The following MRAP2 variants were observed in gnomAD, a reference collection of about 807,000 sequenced individuals.
MRAP2 encodes the protein melanocortin 2 receptor accessory protein 2.
In MRAP2, 20 loss-of-function variants were observed where a neutral mutation model predicts 17.4. That is an observed-to-expected ratio of 1.15 (90% CI 0.81 to 1.67). The LOEUF is 1.67. Among genes scored for constraint, MRAP2 ranks in the 40% most tolerant of loss-of-function variants. MRAP2 has a pLI of 0.00. For missense variants in MRAP2, 238 were observed against 240.0 expected (o/e 0.99, Z 0.05); for synonymous variants, 96 against 88.4 (o/e 1.09, Z -0.48).
At chr6:84,070,748 G>C (rs1446558970) in intron 3 of MRAP2, among the ~76,000 whole-genome samples, 3 of 152,204 alleles carry the variant, frequency 2.0e-5, no homozygotes, top group African/African-American at 7.2e-5. Flanking sequence ...GGGAGCTCCA[G>C]TGTTAGGTGC....
chr6:84,035,684 GC>G lies in MRAP2; in HGVS notation c.-8+1806del, dbSNP rs1029828476. ...TGAGTGTTCATACCCATCGCTAGCTGCCCCCTTTCAGCCTTCTGAGCTAGCC... is the reference window on the plus strand; with the variant it reads ...TGAGTGTTCATACCCATCGCTAGCTGCCCCTTTCAGCCTTCTGAGCTAGCC... On this transcript the variant is annotated intron_variant, in intron 1 of 3. Coordinates refer to ENST00000257776, the MANE Select transcript of MRAP2 (RefSeq NM_138409.4). Among the ~76,000 whole-genome samples, 9 of 152,196 alleles carry G rather than the reference GC, an allele frequency of 5.9e-5. No homozygotes were observed. The East Asian group carries it at 1.7e-3, about 29-fold the overall frequency.
At chr6:84,118,267 C>T in the MRAP2 span, among the ~76,000 whole-genome samples, 1 of 151,726 alleles carries the variant, frequency 6.6e-6, no homozygotes, top group Non-Finnish European at 1.5e-5. Context: ...TCTGGCCGTG[C>T]CCACAAAACA....
chr6:84,124,831 T>C, the MRAP2 span: 8 of 501,906 alleles, frequency 1.6e-5, no homozygotes, highest in Non-Finnish European at 2.8e-5. Context: ...TTCTCTGCTA[T>C]AAAGGAAACT....
chr6:84,056,261 G>C (rs944910937), intron 2 of MRAP2, among the ~76,000 whole-genome samples: 1 of 152,216 alleles, frequency 6.6e-6, no homozygotes, highest in African/African-American at 2.4e-5. Context: ...GGAAATATAA[G>C]AGGGCTTAGA....
chr6:84,105,192 C>T, the MRAP2 span, among the ~76,000 whole-genome samples: 9 of 152,162 alleles, frequency 5.9e-5, no homozygotes, highest in African/African-American at 9.7e-5. Context: ...AAAGTAGCTT[C>T]CACATTTTTG....
At chr6:84,111,169 C>A in the MRAP2 span, among the ~76,000 whole-genome samples, 1 of 152,098 alleles carries the variant, frequency 6.6e-6, no homozygotes, top group Non-Finnish European at 1.5e-5. Flanking sequence ...ATGGGAATAG[C>A]ATTCAATCTA....
the MRAP2 span, among the ~76,000 whole-genome samples, chr6:84,109,452 C>T: frequency 6.6e-6 from 1 of 151,886 alleles, no homozygotes; most frequent in Admixed American, 6.6e-5. Flanking sequence ...AAAGTTCATT[C>T]AAGGTTTAGC....
the MRAP2 span, among the ~76,000 whole-genome samples, chr6:84,120,258 G>A: frequency 3.9e-5 from 6 of 152,302 alleles, no homozygotes; most frequent in South Asian, 1.0e-3. Flanking sequence ...CATTGTGTGA[G>A]GATGGATCTT....
At chr6:84,052,143 A>G (rs1333197032) in intron 1 of MRAP2, among the ~76,000 whole-genome samples, 1 of 152,102 alleles carries the variant, frequency 6.6e-6, no homozygotes, top group African/African-American at 2.4e-5. Flanking sequence ...TCATGACTCT[A>G]ATTTTATGAA....
intron 1 of MRAP2, 58 bp from the exon 2 acceptor site, chr6:84,055,254 A>G (rs893987327): frequency 1.6e-5 from 25 of 1,552,992 alleles, no homozygotes; most frequent in Non-Finnish European, 2.1e-5. Flanking sequence ...AATTAAGGTA[A>G]CTGTGCAGCT....
the MRAP2 span, among the ~76,000 whole-genome samples, chr6:84,132,877 T>G: frequency 1.3e-5 from 2 of 152,120 alleles, no homozygotes; most frequent in African/African-American, 4.8e-5. Flanking sequence ...TGGTCCAGCT[T>G]TATTCCAAAG....
At chr6:84,141,999 C>T in the MRAP2 span, among the ~76,000 whole-genome samples, 1 of 152,172 alleles carries the variant, frequency 6.6e-6, no homozygotes, top group African/African-American at 2.4e-5. Context: ...GTGAATCTCA[C>T]CATGTCTTTG....
the MRAP2 span, among the ~76,000 whole-genome samples, chr6:84,129,014 C>T: frequency 6.6e-6 from 1 of 152,186 alleles, no homozygotes; most frequent in Non-Finnish European, 1.5e-5. Flanking sequence ...CTGCAAAGGA[C>T]ATGACCTCAT....
At chr6:84,079,308 A>G (rs746099100) in intron 3 of MRAP2, among the ~76,000 whole-genome samples, 1 of 152,232 alleles carries the variant, frequency 6.6e-6, no homozygotes, top group African/African-American at 2.4e-5. Flanking sequence ...AAGGCCATAT[A>G]TCATATGATT....
intron 3 of MRAP2, among the ~76,000 whole-genome samples, chr6:84,075,027 A>C (rs1042320786): frequency 2.6e-5 from 4 of 152,182 alleles, no homozygotes; most frequent in African/African-American, 4.8e-5. Context: ...GGTATGACAC[A>C]ACAAAGGTTT....
the MRAP2 span, among the ~76,000 whole-genome samples, chr6:84,096,692 C>G: frequency 1.3e-5 from 2 of 152,172 alleles, no homozygotes; most frequent in African/African-American, 4.8e-5. Flanking sequence ...AGAATGTCAT[C>G]TCAGCTGCAG....
chr6:84,141,878 A>C, the MRAP2 span, among the ~76,000 whole-genome samples: 2 of 152,126 alleles, frequency 1.3e-5, no homozygotes, highest in African/African-American at 4.8e-5. Context: ...TCCTGTGCTC[A>C]AGGAAAAGAA....
the MRAP2 span, among the ~76,000 whole-genome samples, chr6:84,097,167 C>G: frequency 2.0e-5 from 3 of 152,162 alleles, no homozygotes; most frequent in Non-Finnish European, 4.4e-5. Context: ...ATGTCCTACT[C>G]TCCTGCCCAT....
chr6:84,077,654 T>G (rs2099497952), intron 3 of MRAP2, among the ~76,000 whole-genome samples: 1 of 152,236 alleles, frequency 6.6e-6, no homozygotes, highest in African/African-American at 2.4e-5. Flanking sequence ...ATTCTATTTT[T>G]TTGATGTTAT....
Sources: allele counts gnomAD v4.1 joint callset (sites outside exome capture counted in the v4.1 genomes callset), GRCh38; gene constraint gnomAD v4.1.1; transcripts MANE v1.5; gene names NCBI Gene and HGNC (gene_info 2026-07-23, HGNC 2026-07-21).